PARP8: variants seen among roughly 807,000 people sequenced by gnomAD.
The protein encoded by PARP8 is poly(ADP-ribose) polymerase family member 8.
Under a neutral mutation model 124.1 loss-of-function variants are expected in PARP8, and 51 were observed. The ratio of observed to expected loss-of-function variants is 0.41; its 90% confidence interval spans 0.33 to 0.52. The LOEUF (loss-of-function observed/expected upper bound fraction) is 0.52, where lower values mean the gene tolerates loss of function less well. Ranked by LOEUF, PARP8 falls within the 20% of genes least tolerant of loss-of-function variation. PARP8 has a pLI of 0.21. For synonymous variants in PARP8, 391 were observed against 361.5 expected, an observed-to-expected ratio of 1.08 and a Z score of -0.93; for missense variants, 860 against 1,018.9, an observed-to-expected ratio of 0.84 and a Z score of 2.12.
intron 7 of PARP8, among the ~76,000 whole-genome samples, chr5:50,764,832 G>A (rs901857429): frequency 6.8e-6 from 1 of 147,450 alleles, no homozygotes; most frequent in Non-Finnish European, 1.5e-5. Flanking sequence ...TTTTTTAACA[G>A]TAATTGAACT....
intron 2 of PARP8, among the ~76,000 whole-genome samples, chr5:50,704,280 G>A (rs911325330): frequency 3.3e-5 from 5 of 152,086 alleles, no homozygotes; most frequent in Admixed American, 3.3e-4. Flanking sequence ...CTTGGTATAT[G>A]TAGATCCTGG....
At chr5:50,697,652 G>C (rs1281431054) in intron 2 of PARP8, among the ~76,000 whole-genome samples, 2 of 152,136 alleles carry the variant, frequency 1.3e-5, no homozygotes, top group Non-Finnish European at 2.9e-5. Flanking sequence ...TGGGAGTGTA[G>C]GCACATGCCA....
chr5:50,723,737 A>T (rs936693299), intron 2 of PARP8, among the ~76,000 whole-genome samples: 7 of 152,128 alleles, frequency 4.6e-5, no homozygotes, highest in African/African-American at 1.7e-4. Context: ...TTAGTAAGGA[A>T]TATTTTCAGA....
rs1745017836 is a variant in PARP8 at position 50,815,642 on chromosome 5, G to A, written c.1668+118G>A. On this transcript the variant is annotated intron_variant, in intron 15 of 25. Transcript: ENST00000281631. Reference sequence around the variant, plus strand: ...AATATTTGATAACTTCTAGTTAAGTGGCAAATTGGCATTTGATTTTTTTTA... The same window carrying A: ...AATATTTGATAACTTCTAGTTAAGTAGCAAATTGGCATTTGATTTTTTTTA... 6 of 593,640 alleles carry A rather than the reference G, an allele frequency of 1.0e-5. No homozygotes were observed. In the South Asian group the frequency reaches 2.3e-4, roughly 23 times the overall value. The allele number at this position is 593,640 out of a possible 1,614,324, so 36.8% of individuals were successfully genotyped here.
chr5:50,693,794 G>T (rs1752743845), intron 2 of PARP8, among the ~76,000 whole-genome samples: 1 of 151,170 alleles, frequency 6.6e-6, no homozygotes, highest in Non-Finnish European at 1.5e-5. Flanking sequence ...ATTGAGTTAT[G>T]TGGATTAATT....
chr5:50,694,533 A>C (rs183513476), intron 2 of PARP8, among the ~76,000 whole-genome samples: 3 of 152,194 alleles, frequency 2.0e-5, no homozygotes, highest in Admixed American at 2.0e-4. Flanking sequence ...TGCTTTTATA[A>C]ATTTTGTGGC....
chr5:50,757,069 C>A (rs772415641), intron 3 of PARP8: 3 of 422,714 alleles, frequency 7.1e-6, no homozygotes, highest in South Asian at 3.4e-5. Context: ...CTTTATGCAA[C>A]CATCCATTGA....
intron 14 of PARP8, among the ~76,000 whole-genome samples, chr5:50,811,982 C>T (rs2149683474): frequency 6.6e-6 from 1 of 152,292 alleles, no homozygotes; most frequent in South Asian, 2.1e-4. Flanking sequence ...TTAATCCAGT[C>T]TGTCATTGAT....
At chr5:50,711,848 C>A (rs1754799311) in intron 2 of PARP8, among the ~76,000 whole-genome samples, 1 of 152,052 alleles carries the variant, frequency 6.6e-6, no homozygotes, top group African/African-American at 2.4e-5. Flanking sequence ...TTCTGTTTTC[C>A]ATAGTGATTA....
chr5:50,700,798 A>T (rs1201017831), intron 2 of PARP8, among the ~76,000 whole-genome samples: 3 of 152,158 alleles, frequency 2.0e-5, no homozygotes, highest in African/African-American at 7.2e-5. Flanking sequence ...ATGCTAACTC[A>T]GCTACTCTTT....
At chr5:50,841,604 T>G (rs1341843430) in intron 25 of PARP8, among the ~76,000 whole-genome samples, 1 of 151,816 alleles carries the variant, frequency 6.6e-6, no homozygotes, top group Admixed American at 6.6e-5. Flanking sequence ...AATTAAGAAG[T>G]CCAGAATCTT....
intron 9 of PARP8, among the ~76,000 whole-genome samples, chr5:50,784,426 A>C (rs981769087): frequency 6.6e-6 from 1 of 152,178 alleles, no homozygotes; most frequent in African/African-American, 2.4e-5. Context: ...ACTGATATAG[A>C]GATGCAGTTT....
At chr5:50,788,846 G>A (rs1401833003) in intron 10 of PARP8, among the ~76,000 whole-genome samples, 1 of 152,154 alleles carries the variant, frequency 6.6e-6, no homozygotes, top group African/African-American at 2.4e-5. Flanking sequence ...CTCTACCTGG[G>A]GAGGCTGACC....
chr5:50,800,945 A>G (rs1743143020), intron 14 of PARP8, among the ~76,000 whole-genome samples: 3 of 151,418 alleles, frequency 2.0e-5, no homozygotes, highest in African/African-American at 7.3e-5. Flanking sequence ...TTTTGTAGAA[A>G]TGGGGTGTCA....
At chr5:50,733,889 C>T (rs897366463) in intron 2 of PARP8, among the ~76,000 whole-genome samples, 1 of 152,118 alleles carries the variant, frequency 6.6e-6, no homozygotes, top group African/African-American at 2.4e-5. Flanking sequence ...TTACTTGTTT[C>T]TGGTACGTTC....
chr5:50,702,693 A>G (rs1753721985), intron 2 of PARP8, among the ~76,000 whole-genome samples: 1 of 152,174 alleles, frequency 6.6e-6, no homozygotes, highest in Non-Finnish European at 1.5e-5. Flanking sequence ...TTTAACAAAT[A>G]TATTAGAAAT....
intron 2 of PARP8, among the ~76,000 whole-genome samples, chr5:50,719,793 T>C (rs1755690042): frequency 6.6e-6 from 1 of 152,060 alleles, no homozygotes; most frequent in African/African-American, 2.4e-5. Flanking sequence ...AGAGAAGTTA[T>C]AAAAAGAAAT....
Position 50,810,393 on chromosome 5 carries a change from A to G in PARP8, c.1576-5039A>G, listed in dbSNP as rs570252030. 6.4e-4 allele frequency among the ~76,000 whole-genome samples: 98 copies of G among 152,192 alleles called. 1 individual carries two copies. In the South Asian group the frequency reaches 0.016, roughly 24 times the overall value. The stretch of plus-strand genomic sequence containing the variant: ...AAATTATGTACAATAAAACATGGCA[A>G]TACACTTAACTGGTAATAGCTCTTA... On this transcript the variant is annotated intron_variant, in intron 14 of 25. Coordinates refer to ENST00000281631, the MANE Select transcript of PARP8 (RefSeq NM_024615.4).
chr5:50,777,345 TCTCA>T (rs1398942263), intron 7 of PARP8, among the ~76,000 whole-genome samples: 3 of 152,228 alleles, frequency 2.0e-5, no homozygotes, highest in African/African-American at 2.4e-5. Context: ...GGTTTTTATC[TCTCA>T]CTATGCATAG....
Sources: gnomAD v4.1 joint callset for allele counts (sites outside exome capture counted in the v4.1 genomes callset) on GRCh38, gnomAD v4.1.1 for gene constraint, MANE v1.5 for transcripts, NCBI Gene and HGNC (gene_info 2026-07-23, HGNC 2026-07-21) for gene names.